Variants in CDH11 observed in about 807,000 individuals in gnomAD.
The protein encoded by CDH11 is cadherin-11.
Under a neutral mutation model 67.8 loss-of-function variants are expected in CDH11, and 11 were observed. That is an observed-to-expected ratio of 0.16 (90% CI 0.10 to 0.27). The LOEUF is 0.27. Among genes scored for constraint, CDH11 ranks in the 10% least tolerant of loss-of-function variants. The pLI, the probability that CDH11 is intolerant of heterozygous loss-of-function variation, is 1.00. For missense variants in CDH11, 847 were observed against 1,031.2 expected (o/e 0.82, Z 2.45); for synonymous variants, 419 against 400.0 (o/e 1.05, Z -0.57).
intron 2 of CDH11, among the ~76,000 whole-genome samples, chr16:65,018,030 C>T (rs1219087871): frequency 6.6e-6 from 1 of 152,084 alleles, no homozygotes; most frequent in African/African-American, 2.4e-5. Context: ...CCATATAGGC[C>T]CATTTTTAAA....
chr16:65,055,724 G>T (rs2074131222), intron 1 of CDH11, among the ~76,000 whole-genome samples: 1 of 152,152 alleles, frequency 6.6e-6, no homozygotes, highest in Non-Finnish European at 1.5e-5. Context: ...GATTTTGGAG[G>T]CTGCTGGTAT....
intron 1 of CDH11, among the ~76,000 whole-genome samples, chr16:65,072,882 T>C (rs2142772384): frequency 6.6e-6 from 1 of 152,318 alleles, no homozygotes; most frequent in East Asian, 1.9e-4. Context: ...AAATGGAGAT[T>C]AGGGTGTGCC....
At chr16:65,029,913 T>A (rs1276803260) in intron 2 of CDH11, among the ~76,000 whole-genome samples, 1 of 152,184 alleles carries the variant, frequency 6.6e-6, no homozygotes, top group Non-Finnish European at 1.5e-5. Flanking sequence ...GTACCTTTGA[T>A]AAAATGATCT....
chr16:65,103,405 G>A (rs954838500), intron 1 of CDH11, among the ~76,000 whole-genome samples: 11 of 151,970 alleles, frequency 7.2e-5, no homozygotes, highest in Non-Finnish European at 1.0e-4. Flanking sequence ...TGTAATAATC[G>A]CCATCATTAT....
At chr16:64,993,058 A>G (rs1173438711) in intron 4 of CDH11, 24 bp from the exon 5 acceptor site, 6 of 1,592,172 alleles carry the variant, frequency 3.8e-6, no homozygotes. Flanking sequence ...TAAATTAATT[A>G]GCAACATCTC....
At chr16:65,088,855 G>A (rs958611393) in intron 1 of CDH11, among the ~76,000 whole-genome samples, 1 of 152,086 alleles carries the variant, frequency 6.6e-6, no homozygotes, top group African/African-American at 2.4e-5. Context: ...TTCTACTATT[G>A]ATTTATACTT....
At chr16:65,034,951 C>T (rs557955786) in intron 2 of CDH11, among the ~76,000 whole-genome samples, 1 of 152,198 alleles carries the variant, frequency 6.6e-6, no homozygotes, top group Admixed American at 6.5e-5. Flanking sequence ...AAGTCCCCCT[C>T]GACCCTCGAG....
At chr16:65,062,198 T>C (rs966176226) in intron 1 of CDH11, among the ~76,000 whole-genome samples, 1 of 152,262 alleles carries the variant, frequency 6.6e-6, no homozygotes, top group Non-Finnish European at 1.5e-5. Context: ...GGAGAACCCA[T>C]GCATGTAATA....
rs2075338425 is a variant in CDH11 at position 65,121,881 on chromosome 16, T to C, written c.-299A>G. On this transcript the variant is annotated splice_region_variant and 5_prime_UTR_variant, in exon 1 of 13. Transcript: ENST00000268603. The surrounding 1 kb of genome is among the most constrained non-coding windows in gnomAD (Gnocchi z 4.1). ...GAAGGGACTGGCGGCGCACCTCACC[T>C]GGGGCCCTTGAGGGTGGACGCAACC... The C allele has an allele frequency of 1.4e-6, 1 of 700,486 alleles. No homozygotes were observed. The highest frequency in any genetic ancestry group is 2.0e-5 in the Admixed American group (1 of 49,920). The allele number at this position is 700,486 out of a possible 1,614,324, so 43.4% of individuals were successfully genotyped here. A position where few individuals can be genotyped will look rare whatever the true frequency, so the allele number is the denominator to read the frequency against.
At chr16:64,967,870 C>A (rs1249322163) in intron 11 of CDH11, among the ~76,000 whole-genome samples, 4 of 152,074 alleles carry the variant, frequency 2.6e-5, no homozygotes, top group African/African-American at 4.8e-5. Context: ...TTATAAACTT[C>A]TTTGCAAATA....
At chr16:64,955,311 G>A (rs538153563) in intron 11 of CDH11, among the ~76,000 whole-genome samples, 7 of 152,132 alleles carry the variant, frequency 4.6e-5, no homozygotes, top group East Asian at 1.9e-4. Context: ...GTGTGGTGGC[G>A]CATGCCTATA....
At chr16:64,986,820 T>G (rs528389146) in intron 7 of CDH11, 1 of 152,244 alleles carries the variant, frequency 6.6e-6, no homozygotes, top group East Asian at 1.9e-4. Context: ...ACCTTTTCTT[T>G]GTTTTGTGCT....
At position 64,953,291 on chromosome 16, in the gene CDH11, T is replaced by TAC. The variant is rs200359207; in HGVS notation, c.1643-2275_1643-2274dup. Among the ~76,000 whole-genome samples, 573 of 137,758 alleles carry TAC rather than the reference T, an allele frequency of 4.2e-3. 1 individual carries two copies. The highest frequency in any genetic ancestry group is 8.5e-3 in the Admixed American group (115 of 13,544). 90.4% of individuals were successfully genotyped at this position (137,758 alleles called of 152,430 possible). On this transcript the variant is annotated intron_variant, in intron 11 of 12. Transcript: ENST00000268603. ...ATAGATATATATATATGTATGTATA[T>TAC]ACACACACATATATATATATATGGC...
chr16:65,053,599 A>G (rs2074094226), intron 2 of CDH11, among the ~76,000 whole-genome samples: 1 of 152,184 alleles, frequency 6.6e-6, no homozygotes, highest in Admixed American at 6.6e-5. Context: ...GGTGTTCAAT[A>G]AAGAGAATCC....
At chr16:65,011,095 T>TA (rs2073173590) in intron 2 of CDH11, among the ~76,000 whole-genome samples, 1 of 132,806 alleles carries the variant, frequency 7.5e-6, no homozygotes, top group African/African-American at 3.1e-5. Context: ...CACACATATT[T>TA]TTTATATATA....
chr16:65,115,718 A>C (rs1198575453), intron 1 of CDH11, among the ~76,000 whole-genome samples: 11 of 141,036 alleles, frequency 7.8e-5, no homozygotes, highest in East Asian at 4.0e-4. Context: ...AAAAAAAAAA[A>C]AAACAAAAAA....
intron 1 of CDH11, among the ~76,000 whole-genome samples, chr16:65,100,833 C>A (rs1220653771): frequency 1.3e-5 from 2 of 151,908 alleles, no homozygotes; most frequent in Non-Finnish European, 2.9e-5. Context: ...CATCCCCCAC[C>A]AGAATGGCAA....
At chr16:65,086,173 G>A (rs982014068) in intron 1 of CDH11, among the ~76,000 whole-genome samples, 2 of 152,146 alleles carry the variant, frequency 1.3e-5, no homozygotes, top group Non-Finnish European at 2.9e-5. Context: ...AAGAAATTGG[G>A]ATCTGAAGCT....
rs189967470 is a variant in CDH11 at position 65,102,302 on chromosome 16, C to A, written c.-298+19578G>T. Among the ~76,000 whole-genome samples, 32 of 152,254 alleles carry A rather than the reference C, an allele frequency of 2.1e-4. No individual in the cohort carries two copies. The East Asian group carries it at 5.4e-3, about 26-fold the overall frequency. On this transcript the variant is annotated intron_variant, in intron 1 of 12. Coordinates refer to ENST00000268603, the MANE Select transcript of CDH11 (RefSeq NM_001797.4). ...TAGCTATAGACCCAAAATCTTACGG[C>A]CAATTTGTCTCATTGAGTCAACAGT...
Sources: allele counts gnomAD v4.1 joint callset (sites outside exome capture counted in the v4.1 genomes callset), GRCh38; gene constraint gnomAD v4.1.1; non-coding constraint Gnocchi (gnomAD v3.1); transcripts MANE v1.5; gene names NCBI Gene and HGNC (gene_info 2026-07-23, HGNC 2026-07-21).